LYRM4: variants seen among roughly 807,000 people sequenced by gnomAD.
LYRM4 encodes LYR motif-containing protein 4.
A neutral mutation model predicts 11.7 loss-of-function variants in LYRM4; 9 were observed. The observed-to-expected ratio is 0.77, with a 90% CI of 0.46 to 1.34. LYRM4 has a LOEUF of 1.34. Ranked by LOEUF, LYRM4 falls within the 40% of genes most tolerant of loss-of-function variation. The pLI, the probability that LYRM4 is intolerant of heterozygous loss-of-function variation, is 0.00. For missense variants in LYRM4, 133 were observed against 112.5 expected (o/e 1.18, Z -0.82); for synonymous variants, 42 against 40.4 (o/e 1.04, Z -0.15).
the LYRM4 span, chr6:5,042,826 G>A: frequency 6.6e-6 from 1 of 152,314 alleles, no homozygotes; most frequent in Non-Finnish European, 1.5e-5. Flanking sequence ...TGAATTTACT[G>A]TCTGCTTGGC....
intron 2 of LYRM4, among the ~76,000 whole-genome samples, chr6:5,189,397 TAGCCTAAGGTTAGTGGTG>T (rs1483519884): frequency 6.6e-5 from 10 of 151,614 alleles, no homozygotes; most frequent in Admixed American, 3.9e-4. Context: ...GGTTAGTGCT[TAGCCTAAGGTTAGTGGTG>T]AGCCTAAGGT....
the LYRM4 span, chr6:5,085,197 C>T: frequency 2.3e-6 from 1 of 429,802 alleles, no homozygotes; most frequent in Non-Finnish European, 4.1e-6. Flanking sequence ...AGCGGCCGCG[C>T]CTCCCCGCCC....
intron 2 of LYRM4, among the ~76,000 whole-genome samples, chr6:5,171,869 CG>C (rs1359223667): frequency 6.6e-6 from 1 of 152,064 alleles, no homozygotes; most frequent in African/African-American, 2.4e-5. Context: ...TGAAGGGATA[CG>C]GGAAGAATTA....
the LYRM4 span, among the ~76,000 whole-genome samples, chr6:5,084,345 G>A: frequency 2.3e-3 from 355 of 152,320 alleles, 1 homozygote; most frequent in African/African-American, 8.2e-3. Flanking sequence ...CAAGGCCGGA[G>A]CAGCAGGGCG....
At chr6:5,057,266 T>C in the LYRM4 span, among the ~76,000 whole-genome samples, 6 of 152,180 alleles carry the variant, frequency 3.9e-5, no homozygotes, top group Non-Finnish European at 7.3e-5. Context: ...CCTGCTGTCA[T>C]TGCTAAAGCC....
At chr6:5,218,880 G>A (rs935652123) in intron 1 of LYRM4, among the ~76,000 whole-genome samples, 1 of 152,232 alleles carries the variant, frequency 6.6e-6, no homozygotes, top group Non-Finnish European at 1.5e-5. Context: ...TAGCCTAATG[G>A]CTATTTATAA....
intron 2 of LYRM4, among the ~76,000 whole-genome samples, chr6:5,138,344 C>T (rs1033881715): frequency 6.6e-6 from 1 of 151,690 alleles, no homozygotes; most frequent in Non-Finnish European, 1.5e-5. Context: ...ACTAACTGGG[C>T]ATGGTGGCAC....
chr6:5,096,396 A>C, the LYRM4 span, among the ~76,000 whole-genome samples: 1 of 152,106 alleles, frequency 6.6e-6, no homozygotes, highest in Non-Finnish European at 1.5e-5. Flanking sequence ...AGGCTGAGGT[A>C]GGAGGATTGC....
intron 1 of LYRM4, 40 bp downstream of exon 1, chr6:5,260,608 C>A: frequency 4.9e-5 from 66 of 1,338,000 alleles, no homozygotes; most frequent in Non-Finnish European, 6.3e-5. Flanking sequence ...TCCCCGGCCC[C>A]TGGCCCCCCG....
intron 2 of LYRM4, among the ~76,000 whole-genome samples, chr6:5,115,433 ATGC>A (rs1763075027): frequency 6.6e-6 from 1 of 152,156 alleles, no homozygotes; most frequent in Non-Finnish European, 1.5e-5. Context: ...CGTATTCTCT[ATGC>A]GGCGGCTAGA....
At chr6:5,085,962 C>T in the LYRM4 span, 3 of 1,527,232 alleles carry the variant, frequency 2.0e-6, no homozygotes, top group African/African-American at 1.4e-5. Flanking sequence ...TGCCGCCCGC[C>T]GTGCTCTCGC....
intron 2 of LYRM4, chr6:5,186,637 T>A: frequency 1.0e-6 from 1 of 983,940 alleles, no homozygotes; most frequent in Non-Finnish European, 1.2e-6. Flanking sequence ...GGAGTGGGAA[T>A]TCAGCATGAC....
At chr6:5,205,003 A>G (rs1406951525) in intron 2 of LYRM4, among the ~76,000 whole-genome samples, 1 of 152,230 alleles carries the variant, frequency 6.6e-6, no homozygotes, top group Non-Finnish European at 1.5e-5. Flanking sequence ...CTACCAAGCC[A>G]GCTTGGCCTT....
intron 1 of LYRM4, chr6:5,218,503 G>T (rs1762406003): frequency 4.8e-6 from 2 of 419,716 alleles, no homozygotes; most frequent in Non-Finnish European, 6.4e-6. Flanking sequence ...GCATTTAAAA[G>T]CAAGAGTAAA....
chr6:5,189,537 C>G (rs998549031), intron 2 of LYRM4, among the ~76,000 whole-genome samples: 1 of 152,178 alleles, frequency 6.6e-6, no homozygotes, highest in African/African-American at 2.4e-5. Context: ...GCCACTAGTC[C>G]TGGTGCTCTG....
chr6:5,216,518 T>G (rs993896081), intron 2 of LYRM4, 100 bp downstream of exon 2: 12 of 1,365,482 alleles, frequency 8.8e-6, no homozygotes, highest in Non-Finnish European at 1.1e-5. Context: ...GATCCTGCTC[T>G]GTAAATCACC....
intron 1 of LYRM4, among the ~76,000 whole-genome samples, chr6:5,229,168 C>T (rs181961139): frequency 3.3e-5 from 5 of 152,062 alleles, no homozygotes; most frequent in East Asian, 1.9e-4. Flanking sequence ...TGTTTTTTAA[C>T]GTCGTGGCTC....
downstream of LYRM4, chr6:5,107,786 G>C (rs962254413): frequency 6.6e-6 from 1 of 152,008 alleles, no homozygotes; most frequent in African/African-American, 2.4e-5. Context: ...CCAGCACTTT[G>C]GGGGGCCGAG....
chr6:5,210,479 G>A (rs577621031), intron 2 of LYRM4, among the ~76,000 whole-genome samples: 1 of 151,808 alleles, frequency 6.6e-6, no homozygotes, highest in South Asian at 2.1e-4. Flanking sequence ...ACCAATGACT[G>A]GCTATAATTC....
Sources: gnomAD v4.1 joint callset for allele counts (sites outside exome capture counted in the v4.1 genomes callset) on GRCh38, gnomAD v4.1.1 for gene constraint, MANE v1.5 for transcripts, NCBI Gene and HGNC (gene_info 2026-07-23, HGNC 2026-07-21) for gene names.